The following ZCCHC7 variants were observed in gnomAD, a reference collection of about 807,000 sequenced individuals.
ZCCHC7 encodes zinc finger CCHC-type containing 7.
ZCCHC7 carries 35 observed loss-of-function variants against 52.0 expected under a neutral mutation model. The observed-to-expected ratio is 0.67, with a 90% CI of 0.51 to 0.89. The LOEUF is 0.89. ZCCHC7 is among the 40% of genes least tolerant of loss of function. The pLI, the probability that ZCCHC7 is intolerant of heterozygous loss-of-function variation, is 0.00. For missense variants in ZCCHC7, 574 were observed against 649.1 expected, an observed-to-expected ratio of 0.88 and a Z score of 1.26; for synonymous variants, 217 against 221.5, an observed-to-expected ratio of 0.98 and a Z score of 0.18.
chr9:37,333,810 T>A (rs1163838998), intron 6 of ZCCHC7: 1 of 151,840 alleles, frequency 6.6e-6, no homozygotes, highest in African/African-American at 2.4e-5. Flanking sequence ...AAACCCACAG[T>A]ATTCATATAA....
At chr9:37,134,020 G>A (rs570434538) in intron 2 of ZCCHC7, among the ~76,000 whole-genome samples, 2 of 152,186 alleles carry the variant, frequency 1.3e-5, no homozygotes, top group South Asian at 2.1e-4. Context: ...CACCGTGCCC[G>A]ACTGAAACGT....
intron 2 of ZCCHC7, among the ~76,000 whole-genome samples, chr9:37,213,155 A>G (rs1165905324): frequency 6.6e-6 from 1 of 152,230 alleles, no homozygotes; most frequent in Non-Finnish European, 1.5e-5. Flanking sequence ...TAGTACCAAG[A>G]AGGATTAATG....
At chr9:37,345,247 T>C (rs542911236) in intron 6 of ZCCHC7, among the ~76,000 whole-genome samples, 7 of 152,372 alleles carry the variant, frequency 4.6e-5, no homozygotes, top group East Asian at 3.9e-4. Flanking sequence ...ATCATCTCTT[T>C]TGTTTTTATT....
intron 6 of ZCCHC7, 47 bp downstream of exon 6, chr9:37,327,881 A>G: frequency 6.3e-7 from 1 of 1,597,080 alleles, no homozygotes; most frequent in South Asian, 1.1e-5. Context: ...TAGCCTATTT[A>G]CCCTTCTCTG....
intron 7 of ZCCHC7, among the ~76,000 whole-genome samples, chr9:37,351,830 A>G (rs891608864): frequency 3.3e-5 from 5 of 152,354 alleles, no homozygotes; most frequent in African/African-American, 1.2e-4. Flanking sequence ...AAGAAAAACA[A>G]TTATAGTTGG....
At chr9:37,237,185 G>A (rs1046633473) in intron 2 of ZCCHC7, among the ~76,000 whole-genome samples, 1 of 152,152 alleles carries the variant, frequency 6.6e-6, no homozygotes. Flanking sequence ...ATACCCTTTT[G>A]CCCTTCAAAA....
At chr9:37,265,912 A>G (rs1312322832) in intron 2 of ZCCHC7, among the ~76,000 whole-genome samples, 3 of 151,506 alleles carry the variant, frequency 2.0e-5, no homozygotes, top group Non-Finnish European at 2.9e-5. Context: ...ATACTTCACT[A>G]CCTCTTTTCT....
chr9:37,325,070 A>G (rs76642937), intron 5 of ZCCHC7, among the ~76,000 whole-genome samples: 4 of 152,248 alleles, frequency 2.6e-5, no homozygotes, highest in South Asian at 2.1e-4. Flanking sequence ...TAAACTCTCA[A>G]TTCATCTGGT....
chr9:37,203,141 G>A (rs973411658), intron 2 of ZCCHC7, among the ~76,000 whole-genome samples: 2 of 152,124 alleles, frequency 1.3e-5, no homozygotes, highest in Non-Finnish European at 2.9e-5. Context: ...TATCTGCTTT[G>A]GTTTCTGTGA....
At chr9:37,217,068 C>G (rs1160508700) in intron 2 of ZCCHC7, among the ~76,000 whole-genome samples, 4 of 152,042 alleles carry the variant, frequency 2.6e-5, no homozygotes, top group Non-Finnish European at 5.9e-5. Flanking sequence ...TTATTTGCTA[C>G]AGGTGTATCT....
intron 5 of ZCCHC7, among the ~76,000 whole-genome samples, chr9:37,310,008 A>T (rs1372936947): frequency 6.6e-6 from 1 of 152,164 alleles, no homozygotes; most frequent in Admixed American, 6.5e-5. Context: ...TGGCCAGATT[A>T]CCAGATATAT....
intron 2 of ZCCHC7, among the ~76,000 whole-genome samples, chr9:37,266,771 G>T (rs147883892): frequency 2.6e-3 from 389 of 152,222 alleles, no homozygotes; most frequent in Middle Eastern, 6.8e-3. Context: ...CTACTTGGGG[G>T]GCTAAGGTTG....
intron 5 of ZCCHC7, among the ~76,000 whole-genome samples, chr9:37,306,188 C>T (rs1186593516): frequency 1.3e-5 from 2 of 152,072 alleles, no homozygotes; most frequent in South Asian, 2.1e-4. Context: ...CTGCCTCAGC[C>T]TCCCGAGTAG....
At chr9:37,251,238 CTA>C (rs1826315986) in intron 2 of ZCCHC7, among the ~76,000 whole-genome samples, 1 of 151,920 alleles carries the variant, frequency 6.6e-6, no homozygotes, top group Non-Finnish European at 1.5e-5. Flanking sequence ...CTGTCCTCAA[CTA>C]TGTTTCCTTT....
At chr9:37,152,703 T>C (rs1820597622) in intron 2 of ZCCHC7, among the ~76,000 whole-genome samples, 2 of 152,262 alleles carry the variant, frequency 1.3e-5, no homozygotes, top group African/African-American at 2.4e-5. Flanking sequence ...ACATCAAGTA[T>C]AAAATGCTAT....
At chr9:37,220,964 C>T (rs1824778584) in intron 2 of ZCCHC7, among the ~76,000 whole-genome samples, 1 of 152,090 alleles carries the variant, frequency 6.6e-6, no homozygotes, top group Non-Finnish European at 1.5e-5. Context: ...AATTTTTTCC[C>T]CACACAAGTA....
chr9:37,315,118 TAAAA>T (rs536319223), intron 5 of ZCCHC7, among the ~76,000 whole-genome samples: 22 of 142,144 alleles, frequency 1.5e-4, no homozygotes, highest in African/African-American at 5.3e-4. Context: ...ATATTTCAGT[TAAAA>T]AAAAAAAAAG....
At position 37,279,405 on chromosome 9, in the gene ZCCHC7, A is replaced by G. The variant is rs1827840109; in HGVS notation, c.611-22783A>G. On this transcript the variant is annotated intron_variant, in intron 2 of 8. Transcript: ENST00000336755. The stretch of plus-strand genomic sequence containing the variant: ...AGGTATATTTCAGTTCTTAGAACAG[A>G]CACTTAAAAAAAAAAGACAAAAAAA... Among the ~76,000 whole-genome samples, 5 of 152,196 alleles carry G rather than the reference A, an allele frequency of 3.3e-5. No individual in the cohort carries two copies. In the South Asian group the frequency reaches 1.0e-3, roughly 32 times the overall value.
At position 37,269,635 on chromosome 9, in the gene ZCCHC7, A is replaced by AAC. The variant is rs1256716717; in HGVS notation, c.611-32552_611-32551insCA. Among the ~76,000 whole-genome samples the AAC allele has an allele frequency of 6.7e-4, 100 of 149,088 alleles. No homozygotes were observed. The East Asian group carries it at 0.017, about 25-fold the overall frequency. On this transcript the variant is annotated intron_variant, in intron 2 of 8. Coordinates refer to ENST00000336755, the MANE Select transcript of ZCCHC7 (RefSeq NM_032226.3). ...CTCTGTCTCAAAAAAAAAAAAAAAA[A>AAC]AAAAAAAAAAACAAAAGAAGTTCTA...
Sources: gnomAD v4.1 joint callset for allele counts (sites outside exome capture counted in the v4.1 genomes callset) on GRCh38, gnomAD v4.1.1 for gene constraint, MANE v1.5 for transcripts, NCBI Gene and HGNC (gene_info 2026-07-23, HGNC 2026-07-21) for gene names.